Variants in CNGB1 observed in about 807,000 individuals in gnomAD.
CNGB1 encodes cyclic nucleotide gated channel subunit beta 1.
A neutral mutation model predicts 151.7 loss-of-function variants in CNGB1; 126 were observed. That is an observed-to-expected ratio of 0.83 (90% CI 0.72 to 0.96). CNGB1 has a LOEUF of 0.96. CNGB1 is among the 40% of genes least tolerant of loss of function. CNGB1 has a pLI of 0.00. For synonymous variants in CNGB1, 623 were observed against 635.1 expected, an observed-to-expected ratio of 0.98 and a Z score of 0.29; for missense variants, 1,698 against 1,627.0, an observed-to-expected ratio of 1.04 and a Z score of -0.75.
rs752197419 is a variant in CNGB1, at chr16:57,920,398, C to T, written c.1790G>A (p.Ser597Asn). The T allele has an allele frequency of 6.2e-7, 1 of 1,614,198 alleles. No homozygotes were observed. Among genetic ancestry groups the T allele is most frequent in the South Asian group, 1.1e-5 (1 of 91,082 alleles). ...AGCTCCAGACTCACAGGGCTTGGGG[C>T]TCTCCTCATCAGAGGTGACGTCAGG... is the stretch of plus-strand genomic sequence containing the variant. ...IDPDVTSDEE[S>N]PKPSPAKKAP... Residue 597 changes from serine to asparagine, a missense_variant, in exon 19 of 33, where the codon AGC becomes AAC. Physicochemically the swap from Ser to Asn is conservative, Grantham distance 46. Transcript: ENST00000251102.
At chr16:57,962,689 C>T in intron 6 of CNGB1, 79 bp from the exon 7 acceptor site, 1 of 1,567,368 alleles carries the variant, frequency 6.4e-7, no homozygotes, top group Middle Eastern at 1.7e-4. Flanking sequence ...GGAGTGGGCA[C>T]CGAGAGCTCA....
chr16:57,918,642 C>A (rs1489649872), intron 20 of CNGB1, among the ~76,000 whole-genome samples: 2 of 152,202 alleles, frequency 1.3e-5, no homozygotes, highest in African/African-American at 4.8e-5. Flanking sequence ...GCTGACTTAT[C>A]TGTACCTTAG....
chr16:57,940,897 C>T (rs1440215737), intron 14 of CNGB1, among the ~76,000 whole-genome samples: 1 of 151,994 alleles, frequency 6.6e-6, no homozygotes, highest in Non-Finnish European at 1.5e-5. Context: ...GGTGCCGGGC[C>T]CAAGCAGCAG....
intron 31 of CNGB1, among the ~76,000 whole-genome samples, chr16:57,892,200 T>A (rs1179475863): frequency 1.3e-5 from 2 of 151,982 alleles, no homozygotes; most frequent in African/African-American, 4.8e-5. Flanking sequence ...GTGACTCAAG[T>A]ATTTTGCTGC....
At chr16:57,920,339 C>A (rs746792730) in intron 19 of CNGB1, 48 bp downstream of exon 19, 2 of 1,608,854 alleles carry the variant, frequency 1.2e-6, no homozygotes, top group Admixed American at 3.3e-5. Context: ...ACTTTGGAGG[C>A]CCCACCCCAT....
chr16:57,950,318 A>C, intron 13 of CNGB1, 63 bp downstream of exon 13: 2 of 1,574,674 alleles, frequency 1.3e-6, no homozygotes, highest in Non-Finnish European at 1.7e-6. Flanking sequence ...GAGATAAGGT[A>C]CTGCATGCTT....
At position 57,960,008 on chromosome 16, in the gene CNGB1, G is replaced by C. The variant is rs779402964; in HGVS notation, c.641C>G (p.Ser214Cys). ...GPKLQARETP[S>C]LPTPIPLQPK... ...CTGCAGGGGGATGGGTGTGGGCAGG[G>C]AGGGGGTCTCCCGGGCCTGCAGCTT... The change falls in exon 10 of 33, where the codon TCC (serine) becomes TGC (cysteine). Residue 214 changes from serine (S) to cysteine (C), a missense_variant. Transcript: ENST00000251102. 8 of 1,582,540 alleles carry C rather than the reference G, an allele frequency of 5.1e-6. No individual in the cohort carries two copies. The East Asian group carries it at 1.8e-4, about 36-fold the overall frequency.
rs1458289107 is a variant in CNGB1 at position 57,960,452 on chromosome 16, C to A, written c.583+30G>T. The stretch of plus-strand genomic sequence containing the variant: ...GAGCCCAGCCCGTGACCATCCCAGG[C>A]AGCCCCCTCCCGAGCTCCCCTCCCT... On this transcript the variant is annotated intron_variant, in intron 9 of 32. Coordinates refer to ENST00000251102, the MANE Select transcript of CNGB1 (RefSeq NM_001297.5). The A allele has an allele frequency of 4.3e-6, 7 of 1,610,610 alleles. No individual in the cohort carries two copies. The African/African-American group carries it at 9.4e-5, about 22-fold the overall frequency.
rs1555489834 is a variant in CNGB1, at chr16:57,917,604, GTA to G, written c.1958-130_1958-129del. On this transcript the variant is annotated intron_variant, in intron 20 of 32. Transcript: ENST00000251102. The stretch of plus-strand genomic sequence containing the variant: ...ATGTGGCACTTTTGTAAGAGTGTGT[GTA>G]TGTGTGTGTGTGTGTATATATACAC... 206 of 699,642 alleles carry G rather than the reference GTA, an allele frequency of 2.9e-4. 3 individuals carry two copies. The highest frequency in any genetic ancestry group is 4.2e-4 in the African/African-American group (17 of 40,788). 43.3% of individuals were successfully genotyped at this position (699,642 alleles called of 1,614,324 possible).
In CNGB1 at chr16:57,897,402, T is replaced by C; in HGVS notation, c.3237A>G (p.Lys1079=). The C allele has an allele frequency of 6.2e-7, 1 of 1,614,192 alleles. No homozygotes were observed. Among genetic ancestry groups the C allele is most frequent in the Admixed American group, 1.7e-5 (1 of 60,018 alleles). ...YPESQKLLRK[K]ARRMLRSNNK... Reference sequence around the variant, plus strand: ...ACGAAAGAAAAGTTACATACCTGGCTTTCTTCCGGAGTAACTTCTGAGACT... The same window carrying C: ...ACGAAAGAAAAGTTACATACCTGGCCTTCTTCCGGAGTAACTTCTGAGACT... The change falls in exon 31 of 33, where the codon AAA becomes AAG. Residue 1079 remains lysine (K), a synonymous_variant. Transcript: ENST00000251102.
At chr16:57,950,247 G>GA in intron 13 of CNGB1, 134 bp downstream of exon 13, 1 of 1,044,150 alleles carries the variant, frequency 9.6e-7, no homozygotes, top group Non-Finnish European at 1.5e-6. Context: ...ATGGGAGAAG[G>GA]ATGGCTGTAT....
chr16:57,892,072 CAAAA>C (rs34104252), intron 31 of CNGB1, among the ~76,000 whole-genome samples: 4 of 96,302 alleles, frequency 4.2e-5, no homozygotes, highest in African/African-American at 7.2e-5. Flanking sequence ...CACAAAAATG[CAAAA>C]AAAAAAAAAA....
chr16:57,970,956 GGTTTCCCACCGTGCCA>G (rs1962526802), intron 1 of CNGB1, 88 bp downstream of exon 1: 1 of 152,128 alleles, frequency 6.6e-6, no homozygotes, highest in Non-Finnish European at 1.5e-5. Context: ...GGAAGCCACA[GGTTTCCCACCGTGCCA>G]GTTTGGTCCT....
At chr16:57,903,605 C>T (rs984669607) in intron 27 of CNGB1, among the ~76,000 whole-genome samples, 2 of 152,180 alleles carry the variant, frequency 1.3e-5, no homozygotes, top group Admixed American at 6.5e-5. Flanking sequence ...ACAAGCCCCC[C>T]GTCTCCAGGG....
intron 20 of CNGB1, among the ~76,000 whole-genome samples, chr16:57,918,819 C>T (rs1960949675): frequency 6.6e-6 from 1 of 152,176 alleles, no homozygotes; most frequent in Admixed American, 6.5e-5. Flanking sequence ...CCTGCTTCAG[C>T]CTCTCAAGTA....
At chr16:57,911,719 C>G (rs1960717007) in intron 25 of CNGB1, 34 bp downstream of exon 25, 1 of 1,612,850 alleles carries the variant, frequency 6.2e-7, no homozygotes, top group South Asian at 1.1e-5. Context: ...GAAGGTCACC[C>G]AGGCATGGCC....
chr16:57,945,032 C>A (rs1162476957), intron 14 of CNGB1, among the ~76,000 whole-genome samples: 1 of 150,458 alleles, frequency 6.6e-6, no homozygotes, highest in African/African-American at 2.4e-5. Flanking sequence ...AAACTCAAAT[C>A]TCACATAACC....
intron 16 of CNGB1, among the ~76,000 whole-genome samples, chr16:57,938,496 C>G (rs1356503694): frequency 6.6e-6 from 1 of 152,190 alleles, no homozygotes; most frequent in African/African-American, 2.4e-5. Context: ...CTCCCCTACT[C>G]TGCCCAGCAA....
At chr16:57,890,897 C>A (rs1960071627) in intron 31 of CNGB1, among the ~76,000 whole-genome samples, 1 of 152,230 alleles carries the variant, frequency 6.6e-6, no homozygotes, top group African/African-American at 2.4e-5. Context: ...TGGCTGAGAC[C>A]CCCATTCCCA....
Sources: allele counts gnomAD v4.1 joint callset (sites outside exome capture counted in the v4.1 genomes callset), GRCh38; gene constraint gnomAD v4.1.1; transcripts MANE v1.5; gene names NCBI Gene and HGNC (gene_info 2026-07-23, HGNC 2026-07-21).